The following F13A1 variants were observed in gnomAD, a reference collection of about 807,000 sequenced individuals.
F13A1 encodes FSF, A subunit.
F13A1 carries 47 observed loss-of-function variants against 80.1 expected under a neutral mutation model. The observed-to-expected ratio is 0.59, with a 90% CI of 0.46 to 0.75. The LOEUF (loss-of-function observed/expected upper bound fraction) is 0.75, where lower values mean the gene tolerates loss of function less well. F13A1 is among the 30% of genes least tolerant of loss of function. The pLI, the probability that F13A1 is intolerant of heterozygous loss-of-function variation, is 0.00. For missense variants in F13A1, 817 were observed against 930.4 expected (o/e 0.88, Z 1.59); for synonymous variants, 349 against 344.9 (o/e 1.01, Z -0.13).
At chr6:6,195,243 T>C (rs1427189804) in intron 10 of F13A1, among the ~76,000 whole-genome samples, 1 of 152,250 alleles carries the variant, frequency 6.6e-6, no homozygotes, top group Admixed American at 6.5e-5. Flanking sequence ...GTAGGTGGGC[T>C]GTATTCCTCT....
At position 6,243,820 on chromosome 6, in the gene F13A1, C is replaced by A. The variant is rs114405606; in HGVS notation, c.798+4492G>T. Among the ~76,000 whole-genome samples the A allele has an allele frequency of 2.8e-3, 421 of 152,324 alleles. 5 individuals carry two copies. Among genetic ancestry groups the A allele is most frequent in the African/African-American group, 9.5e-3 (396 of 41,562 alleles). ...CCTCCACTGGTAATGCCTTGACCCA[C>A]TGGAGCAAATATGGATGGAGGTGGT... On this transcript the variant is annotated intron_variant, in intron 6 of 14. Transcript: ENST00000264870. The surrounding 1 kb of genome is among the most constrained non-coding windows in gnomAD (Gnocchi z 4.2).
At chr6:6,238,846 G>T (rs550473483) in intron 6 of F13A1, among the ~76,000 whole-genome samples, 4 of 151,944 alleles carry the variant, frequency 2.6e-5, no homozygotes, top group Admixed American at 2.6e-4. Flanking sequence ...AATTAAAAAG[G>T]TTCAAGACAT....
At chr6:6,294,425 C>T (rs940553488) in intron 3 of F13A1, among the ~76,000 whole-genome samples, 10 of 152,146 alleles carry the variant, frequency 6.6e-5, no homozygotes, top group African/African-American at 2.2e-4. Context: ...GACTGGCTCT[C>T]ATTGCTCCTC....
chr6:6,200,448 G>A (rs1389844259), intron 8 of F13A1, among the ~76,000 whole-genome samples: 1 of 151,780 alleles, frequency 6.6e-6, no homozygotes, highest in Non-Finnish European at 1.5e-5. Context: ...GCTACTTGAG[G>A]GGCTGAGTGG....
At chr6:6,191,909 A>T (rs576934294) in intron 10 of F13A1, among the ~76,000 whole-genome samples, 2 of 152,342 alleles carry the variant, frequency 1.3e-5, no homozygotes, top group Admixed American at 1.3e-4. Context: ...AGGTTGGAGG[A>T]TGAAAACAAC....
In F13A1 at chr6:6,276,372, C is replaced by T. The variant is rs76999598; in HGVS notation, c.320-9563G>A. ...TTCTGGGTTCTGATGGGACCTCCTC[C>T]TCCATGTGCCTCCAGCTCCTGGTGT... On this transcript the variant is annotated intron_variant, in intron 3 of 14. Transcript: ENST00000264870. 6.7e-3 allele frequency among the ~76,000 whole-genome samples: 1,027 copies of T among 152,296 alleles called. 12 individuals carry two copies. The highest frequency in any genetic ancestry group is 0.023 in the African/African-American group (950 of 41,560).
At chr6:6,150,813 A>G (rs917237156) in intron 14 of F13A1, among the ~76,000 whole-genome samples, 8 of 152,304 alleles carry the variant, frequency 5.3e-5, no homozygotes, top group African/African-American at 1.7e-4. Context: ...TGGGTGTCAC[A>G]CTTTAAGAGG....
At chr6:6,209,372 G>A (rs1400467604) in intron 8 of F13A1, among the ~76,000 whole-genome samples, 1 of 149,464 alleles carries the variant, frequency 6.7e-6, no homozygotes, top group Non-Finnish European at 1.5e-5. Context: ...AGAATATGAA[G>A]TTGGAACTTT....
At chr6:6,221,560 G>A (rs1401144969) in intron 8 of F13A1, among the ~76,000 whole-genome samples, 1 of 152,140 alleles carries the variant, frequency 6.6e-6, no homozygotes, top group African/African-American at 2.4e-5. Flanking sequence ...TTCCTCATTT[G>A]TAAATGGCGA....
intron 10 of F13A1, among the ~76,000 whole-genome samples, chr6:6,192,304 C>T (rs1157790075): frequency 6.6e-6 from 1 of 152,048 alleles, no homozygotes. Flanking sequence ...AATTCTCTTG[C>T]TCTGTGGGGA....
At chr6:6,213,352 A>G (rs1349905099) in intron 8 of F13A1, among the ~76,000 whole-genome samples, 2 of 152,216 alleles carry the variant, frequency 1.3e-5, no homozygotes, top group Non-Finnish European at 2.9e-5. Context: ...TCTACAAGCC[A>G]GAAGAGAGTG....
intron 3 of F13A1, among the ~76,000 whole-genome samples, chr6:6,303,126 A>AGT (rs1758459366): frequency 6.6e-6 from 1 of 152,204 alleles, no homozygotes; most frequent in Non-Finnish European, 1.5e-5. Flanking sequence ...TCATATACTG[A>AGT]AATCCATTTC....
chr6:6,300,565 C>G (rs1387349650), intron 3 of F13A1, among the ~76,000 whole-genome samples: 1 of 152,228 alleles, frequency 6.6e-6, no homozygotes, highest in East Asian at 1.9e-4. Flanking sequence ...ACCCCTTGCA[C>G]TTCCTGAGTG....
intron 3 of F13A1, among the ~76,000 whole-genome samples, chr6:6,273,930 A>G (rs538605901): frequency 2.5e-4 from 38 of 152,378 alleles, no homozygotes; most frequent in Admixed American, 6.5e-5. Flanking sequence ...AAAAAGGCAC[A>G]GAAATCATGG....
chr6:6,196,296 T>C (rs1359977049), intron 9 of F13A1, among the ~76,000 whole-genome samples: 2 of 152,240 alleles, frequency 1.3e-5, no homozygotes, highest in East Asian at 1.9e-4. Flanking sequence ...TATGAACATA[T>C]GTCAAGTTTA....
At chr6:6,237,413 C>T (rs540840948) in intron 6 of F13A1, among the ~76,000 whole-genome samples, 2 of 152,270 alleles carry the variant, frequency 1.3e-5, no homozygotes, top group Admixed American at 1.3e-4. Flanking sequence ...GCACTTACAA[C>T]AGCCAGGGTC....
At chr6:6,199,975 T>C (rs1182126069) in intron 8 of F13A1, among the ~76,000 whole-genome samples, 1 of 152,126 alleles carries the variant, frequency 6.6e-6, no homozygotes, top group Non-Finnish European at 1.5e-5. Context: ...CCTGTCCAAG[T>C]AGTATGATGG....
intron 6 of F13A1, among the ~76,000 whole-genome samples, chr6:6,229,269 G>A (rs1336406575): frequency 4.6e-5 from 7 of 152,104 alleles, no homozygotes; most frequent in Non-Finnish European, 8.8e-5. Context: ...AGAAGAAAAC[G>A]AAATTAAGGA....
At chr6:6,273,280 G>A (rs1300776845) in intron 3 of F13A1, among the ~76,000 whole-genome samples, 1 of 152,086 alleles carries the variant, frequency 6.6e-6, no homozygotes, top group Non-Finnish European at 1.5e-5. Flanking sequence ...ACAGTGTTTT[G>A]TACCCAGTCG....
Sources: allele counts gnomAD v4.1 joint callset (sites outside exome capture counted in the v4.1 genomes callset), GRCh38; gene constraint gnomAD v4.1.1; non-coding constraint Gnocchi (gnomAD v3.1); transcripts MANE v1.5; gene names NCBI Gene and HGNC (gene_info 2026-07-23, HGNC 2026-07-21).